Variants in CDH26 observed in about 807,000 individuals in gnomAD.
CDH26 encodes the protein cadherin-like protein 26.
In CDH26, 83 loss-of-function variants were observed where a neutral mutation model predicts 90.3. That is an observed-to-expected ratio of 0.92 (90% CI 0.77 to 1.10). The LOEUF is 1.10. Ranked by LOEUF, CDH26 falls within the 50% of genes least tolerant of loss-of-function variation. The pLI, the probability that CDH26 is intolerant of heterozygous loss-of-function variation, is 0.00. For missense variants in CDH26, 1,013 were observed against 1,037.6 expected (o/e 0.98, Z 0.33); for synonymous variants, 397 against 396.3 (o/e 1.00, Z -0.02).
chr20:60,004,838 A>G (rs1361767269), intron 16 of CDH26, among the ~76,000 whole-genome samples: 1 of 151,914 alleles, frequency 6.6e-6, no homozygotes, highest in African/African-American at 2.4e-5. Context: ...ATACAGCATT[A>G]CAGTCTTATG....
intron 4 of CDH26, among the ~76,000 whole-genome samples, chr20:59,972,330 C>T (rs1316178938): frequency 6.6e-6 from 1 of 152,118 alleles, no homozygotes; most frequent in African/African-American, 2.4e-5. Flanking sequence ...TTTCTGCAAT[C>T]GATGTGAGCT....
At chr20:60,024,075 CAA>C in intron 7 of CDH26, among the ~76,000 whole-genome samples, 1 of 152,270 alleles carries the variant, frequency 6.6e-6, no homozygotes, top group Admixed American at 6.5e-5. Context: ...TCACCGGAAA[CAA>C]GTAGATCTGA....
chr20:60,020,125 G>T (rs1425264525), intron 7 of CDH26, among the ~76,000 whole-genome samples: 1 of 152,176 alleles, frequency 6.6e-6, no homozygotes, highest in Non-Finnish European at 1.5e-5. Flanking sequence ...TGGCTTTCTG[G>T]AGTTGGGACC....
intron 4 of CDH26, among the ~76,000 whole-genome samples, chr20:59,980,602 ATTGT>A (rs1443726779): frequency 6.6e-6 from 1 of 152,006 alleles, no homozygotes; most frequent in African/African-American, 2.4e-5. Flanking sequence ...CCGGCCATAT[ATTGT>A]TTGTTTTCTT....
intron 7 of CDH26, among the ~76,000 whole-genome samples, chr20:60,023,144 G>A (rs554495665): frequency 3.3e-5 from 5 of 152,358 alleles, no homozygotes; most frequent in South Asian, 4.1e-4. Flanking sequence ...GGTCACTGCC[G>A]TCAGAGCTGA....
rs781064934 is a variant in CDH26 at position 59,992,408 on chromosome 20, G to A, written c.1314G>A (p.Trp438Ter). ...RYELVHDPAN[W>*]VSVDKNSGVV... is the part of the protein sequence containing the mutation. ...AACTGGTTCATGACCCAGCAAATTG[G>A]GTCAGCGTCGACAAAAACTCCGGAG... The change falls in exon 10 of 18, where the codon TGG becomes TGA. Residue 438 changes from tryptophan to a stop codon, truncating the protein, a stop_gained. Coordinates refer to ENST00000348616, the MANE Select transcript of CDH26 (RefSeq NM_177980.4). LOFTEE classifies it high-confidence loss of function. The surrounding 1 kb of genome is among the most constrained non-coding windows in gnomAD (Gnocchi z 5.0). 1 of 1,613,844 alleles carries A rather than the reference G, an allele frequency of 6.2e-7. No individual in the cohort carries two copies. The highest frequency in any genetic ancestry group is 8.5e-7 in the Non-Finnish European group (1 of 1,180,014).
In CDH26 at chr20:59,967,929, CTTTCCCTTTCTTTCTTTCTTTCTTTCTAT is replaced by C. The variant is rs1353927225; in HGVS notation, c.70-1037_70-1009del. Among the ~76,000 whole-genome samples, 129 of 129,386 alleles carry C rather than the reference CTTTCCCTTTCTTTCTTTCTTTCTTTCTAT, an allele frequency of 1.0e-3. 3 individuals are homozygous for C. Among genetic ancestry groups the C allele is most frequent in the African/African-American group, 4.0e-3 (125 of 30,986 alleles). The allele number at this position is 129,386 out of a possible 152,430, so 84.9% of individuals were successfully genotyped here. On this transcript the variant is annotated intron_variant, in intron 1 of 17. Transcript: ENST00000348616. ...CCTTCCTTTCCTTTCCTTTCCTTTCCTTTCCCTTTCTTTCTTTCTTTCTTTCTATCTTTCTTTCTTTCTTTCTTTCTTTC... is the reference window on the plus strand; with the variant it reads ...CCTTCCTTTCCTTTCCTTTCCTTTCCCTTTCTTTCTTTCTTTCTTTCTTTC...
At chr20:60,000,621 C>T (rs1197476038) in intron 14 of CDH26, among the ~76,000 whole-genome samples, 1 of 152,222 alleles carries the variant, frequency 6.6e-6, no homozygotes. Flanking sequence ...TGAATTTTCA[C>T]CAGAACCCAT....
At chr20:60,005,442 G>A (rs2061733929) in intron 16 of CDH26, among the ~76,000 whole-genome samples, 1 of 151,648 alleles carries the variant, frequency 6.6e-6, no homozygotes, top group South Asian at 2.1e-4. Context: ...ATATGAACAT[G>A]TGTATGTTTG....
At chr20:59,966,572 A>G (rs940433721) in intron 1 of CDH26, among the ~76,000 whole-genome samples, 1 of 152,210 alleles carries the variant, frequency 6.6e-6, no homozygotes, top group African/African-American at 2.4e-5. Context: ...GAAGAATACA[A>G]TGGGGAGTTT....
intron 4 of CDH26, among the ~76,000 whole-genome samples, chr20:59,972,913 C>T (rs2061281479): frequency 6.6e-6 from 1 of 152,222 alleles, no homozygotes; most frequent in Non-Finnish European, 1.5e-5. Flanking sequence ...ACCCTTAACT[C>T]ACTGATAGGC....
chr20:59,980,361 C>A (rs2061380337), intron 4 of CDH26, among the ~76,000 whole-genome samples: 1 of 151,692 alleles, frequency 6.6e-6, no homozygotes, highest in Non-Finnish European at 1.5e-5. Flanking sequence ...ATGGCGCAAT[C>A]TCAGTTCACT....
chr20:60,027,226 T>C (rs1032790221), intron 7 of CDH26, among the ~76,000 whole-genome samples: 4 of 152,082 alleles, frequency 2.6e-5, no homozygotes, highest in Admixed American at 2.0e-4. Context: ...TGTATATGGC[T>C]CAGGTGAAAA....
intron 1 of CDH26, among the ~76,000 whole-genome samples, chr20:59,962,208 G>A (rs905301014): frequency 1.2e-4 from 18 of 152,194 alleles, no homozygotes; most frequent in African/African-American, 3.6e-4. Flanking sequence ...GATCACTCAA[G>A]CCTCTGTGCA....
chr20:59,996,026 T>C lies in CDH26; in HGVS notation c.1860T>C (p.Pro620=), dbSNP rs1390541420. ...EVGLHVGALF[P]VCAAFVALAV... ...GGCTTCATGTGGGGGCCCTGTTCCC[T>C]GTCTGTGCAGCATTTGTGGCTCTGG... The change falls in exon 12 of 18, where the codon CCT becomes CCC. Residue 620 remains proline, a synonymous_variant. Transcript: ENST00000348616. 6.2e-7 allele frequency: 1 copy of C among 1,613,728 alleles called. No homozygotes were observed. The highest frequency in any genetic ancestry group is 2.2e-5 in the East Asian group (1 of 44,874).
chr20:59,982,986 A>T lies in CDH26; in HGVS notation c.457A>T (p.Ile153Phe). 1 of 1,614,126 alleles carries T rather than the reference A, an allele frequency of 6.2e-7. No homozygotes were observed. The highest frequency in any genetic ancestry group is 8.5e-7 in the Non-Finnish European group (1 of 1,179,990). The change falls in exon 5 of 18, where the codon ATT becomes TTT. Residue 153 changes from isoleucine to phenylalanine, a missense_variant. Coordinates refer to ENST00000348616, the MANE Select transcript of CDH26 (RefSeq NM_177980.4). ...KIVDTSLIFN[I>F]RISDVNDHAP... The stretch of plus-strand genomic sequence containing the variant: ...TGTGGATACATCCTTGATTTTCAAC[A>T]TTAGGATCAGTGATGTGAATGATCA...
At chr20:60,011,413 T>C (rs1173443551) in intron 17 of CDH26, among the ~76,000 whole-genome samples, 1 of 152,220 alleles carries the variant, frequency 6.6e-6, no homozygotes, top group Non-Finnish European at 1.5e-5. Context: ...AATCATGGAT[T>C]TGGCGTGCTT....
Position 59,992,723 on chromosome 20 carries a change from A to G in CDH26, c.1426+203A>G, listed in dbSNP as rs114600906. ...ACCAATACCATCGAAAGAGGGCAGT[A>G]TTCATTCAGAAGAGACAATTAAACC... On this transcript the variant is annotated intron_variant, in intron 10 of 17. Coordinates refer to ENST00000348616, the MANE Select transcript of CDH26 (RefSeq NM_177980.4). This position sits in a 1 kb window ranked among gnomAD's most constrained non-coding sequence, Gnocchi z 5.0. 2.6e-4 allele frequency among the ~76,000 whole-genome samples: 40 copies of G among 152,352 alleles called. No homozygotes were observed. Among genetic ancestry groups the G allele is most frequent in the African/African-American group, 9.4e-4 (39 of 41,588 alleles).
At position 59,970,194 on chromosome 20, in the gene CDH26, G is replaced by T. The variant is rs367835493; in HGVS notation, c.231+8G>T. On this transcript the variant is annotated splice_region_variant and intron_variant, in intron 3 of 17. Coordinates refer to ENST00000348616, the MANE Select transcript of CDH26 (RefSeq NM_177980.4). ...CCCAAACTCATTGGTGAGGTAAGGT[G>T]CCTACTCTTAAGGAATGACCCCATC... The T allele has an allele frequency of 6.2e-7, 1 of 1,612,882 alleles. No individual in the cohort carries two copies.
Sources: allele counts gnomAD v4.1 joint callset (sites outside exome capture counted in the v4.1 genomes callset), GRCh38; gene constraint gnomAD v4.1.1; non-coding constraint Gnocchi (gnomAD v3.1); transcripts MANE v1.5; gene names NCBI Gene and HGNC (gene_info 2026-07-23, HGNC 2026-07-21).